FAM193A: variants seen among roughly 807,000 people sequenced by gnomAD.
The protein encoded by FAM193A is protein FAM193A.
In FAM193A, 22 loss-of-function variants were observed where a neutral mutation model predicts 126.5. That is an observed-to-expected ratio of 0.17 (90% CI 0.12 to 0.25). FAM193A has a LOEUF of 0.25. Among genes scored for constraint, FAM193A ranks in the 10% least tolerant of loss-of-function variants. FAM193A has a pLI of 1.00. For missense variants in FAM193A, 1,675 were observed against 1,672.8 expected, an observed-to-expected ratio of 1.00 and a Z score of -0.02; for synonymous variants, 761 against 646.8, an observed-to-expected ratio of 1.18 and a Z score of -2.68.
intron 2 of FAM193A, among the ~76,000 whole-genome samples, chr4:2,601,357 C>T (rs943346407): frequency 6.6e-6 from 1 of 151,176 alleles, no homozygotes; most frequent in African/African-American, 2.4e-5. Flanking sequence ...CTCAGCCTCC[C>T]GAGTAGCTGG....
intron 12 of FAM193A, among the ~76,000 whole-genome samples, chr4:2,664,994 A>G (rs762653156): frequency 1.3e-5 from 2 of 152,178 alleles, no homozygotes; most frequent in Non-Finnish European, 2.9e-5. Context: ...TTGAATATAT[A>G]TTTAGAATTC....
In FAM193A at chr4:2,646,713, A is replaced by C. The variant is rs781076887; in HGVS notation, c.1192A>C (p.Ser398Arg). 1.9e-6 allele frequency: 3 copies of C among 1,612,652 alleles called. No homozygotes were observed. Among genetic ancestry groups the C allele is most frequent in the African/African-American group, 1.3e-5 (1 of 74,950 alleles). ...RLGTTTHDTC[S>R]EDTYSTLLQR... Reference sequence around the variant, plus strand: ...AGGAACCACCACACACGACACCTGCAGTGAGGACACATACAGTACCTTGCT... The same window carrying C: ...AGGAACCACCACACACGACACCTGCCGTGAGGACACATACAGTACCTTGCT... Residue 398 changes from serine to arginine, a missense_variant, in exon 7 of 21, where the codon AGT becomes CGT. Transcript: ENST00000637812.
chr4:2,611,377 T>A (rs924982836), intron 2 of FAM193A, among the ~76,000 whole-genome samples: 1 of 152,156 alleles, frequency 6.6e-6, no homozygotes, highest in Non-Finnish European at 1.5e-5. Context: ...CAAGCAGTTC[T>A]CTTGTCTCAG....
At chr4:2,660,112 A>G in intron 10 of FAM193A, 58 bp downstream of exon 10, 1 of 1,555,078 alleles carries the variant, frequency 6.4e-7, no homozygotes, top group Admixed American at 1.7e-5. Context: ...GTAATGAGAA[A>G]TACATACAGT....
intron 2 of FAM193A, among the ~76,000 whole-genome samples, chr4:2,615,646 G>T (rs1347733272): frequency 6.6e-6 from 1 of 152,030 alleles, no homozygotes; most frequent in African/African-American, 2.4e-5. Flanking sequence ...AGTCTCCCAA[G>T]TAGCTGGGAC....
Position 2,590,496 on chromosome 4 carries a change from CAAAAAAAAACAAAAAA to C in FAM193A, c.256-5583_256-5568del, listed in dbSNP as rs1740495573. Among the ~76,000 whole-genome samples, 24 of 45,796 alleles carry C rather than the reference CAAAAAAAAACAAAAAA, an allele frequency of 5.2e-4. 2 individuals are homozygous for C. Among genetic ancestry groups the C allele is most frequent in the African/African-American group, 1.4e-3 (8 of 5,586 alleles). The allele number at this position is 45,796 out of a possible 152,430, so 30.0% of individuals were successfully genotyped here. ...AAAAACAAAAAAAAACAAAAAAAAA[CAAAAAAAAACAAAAAA>C]AAAACAAAACAAAATTAAAAAACAG... On this transcript the variant is annotated intron_variant, in intron 1 of 20. Transcript: ENST00000637812.
chr4:2,559,994 T>G (rs1738513686), intron 1 of FAM193A, among the ~76,000 whole-genome samples: 2 of 151,976 alleles, frequency 1.3e-5, no homozygotes, highest in Non-Finnish European at 2.9e-5. Context: ...GTTTCACTCT[T>G]GTTGCCCAGG....
rs17164077 is a variant in FAM193A at position 2,659,615 on chromosome 4, A to G, written c.1447A>G (p.Met483Val). The G allele has an allele frequency of 0.011, 18,268 of 1,614,076 alleles. 1,666 individuals are homozygous for G. The African/African-American group carries it at 0.21, about 19-fold the overall frequency. Residue 483 changes from methionine to valine, a missense_variant, in exon 9 of 21, where the codon ATG (methionine) becomes GTG (valine). By Grantham distance (21) the Met-to-Val change is conservative. Around this residue, in one of 4 missense-constraint regions of FAM193A, gnomAD observed 1,186 missense variants for 1,109.2 expected, o/e 1.07. Transcript: ENST00000637812. ...ENNFTDTMRH[M>V]LSSRLSMPDC... is the part of the protein sequence containing the mutation. Reference sequence around the variant, plus strand: ...CAACTTCACAGACACCATGAGGCACATGTTATCGTCCCGGCTGAGCATGCC... The same window carrying G: ...CAACTTCACAGACACCATGAGGCACGTGTTATCGTCCCGGCTGAGCATGCC...
At position 2,659,592 on chromosome 4, in the gene FAM193A, A is replaced by G. The variant is rs1560532596; in HGVS notation, c.1424A>G (p.Asn475Ser). Residue 475 changes from asparagine to serine, a missense_variant, in exon 9 of 21, where the codon AAC (asparagine) becomes AGC (serine). By Grantham distance (46) the Asn-to-Ser change is conservative (BLOSUM62 1). Coordinates refer to ENST00000637812, the MANE Select transcript of FAM193A (RefSeq NM_001366318.2). ...AAGAAAGCAGTTACTGGCGAGAACA[A>G]CTTCACAGACACCATGAGGCACATG... ...TNKKAVTGEN[N>S]FTDTMRHMLS... 1 of 1,614,138 alleles carries G rather than the reference A, an allele frequency of 6.2e-7. No homozygotes were observed.
intron 2 of FAM193A, among the ~76,000 whole-genome samples, chr4:2,622,256 C>CAA (rs1458719072): frequency 6.1e-5 from 3 of 49,420 alleles, no homozygotes; most frequent in African/African-American, 2.8e-4. Context: ...GACCCTGTCT[C>CAA]CAAAAAAAAA....
At chr4:2,536,267 G>A (rs545214278), upstream of FAM193A, among the ~76,000 whole-genome samples, 1 of 151,744 alleles carries the variant, frequency 6.6e-6, no homozygotes, top group Non-Finnish European at 1.5e-5. Flanking sequence ...CCTCCTGCCG[G>A]CCTAGCCCTA....
intron 19 of FAM193A, among the ~76,000 whole-genome samples, chr4:2,703,024 T>C (rs963967689): frequency 1.3e-5 from 2 of 152,184 alleles, no homozygotes; most frequent in Non-Finnish European, 2.9e-5. Flanking sequence ...CAGTTTCTTA[T>C]TTGCTTTTCT....
At chr4:2,564,410 A>C (rs1359280737) in intron 1 of FAM193A, among the ~76,000 whole-genome samples, 1 of 152,050 alleles carries the variant, frequency 6.6e-6, no homozygotes, top group African/African-American at 2.4e-5. Context: ...TGAAAGGTCT[A>C]GTGGAAAAGG....
chr4:2,718,520 T>G (rs937173836), intron 20 of FAM193A, among the ~76,000 whole-genome samples: 2 of 151,896 alleles, frequency 1.3e-5, no homozygotes, highest in African/African-American at 2.4e-5. Context: ...TGAGGTCAGT[T>G]CAAGACCAGC....
At chr4:2,672,644 T>C (rs1713953592) in intron 13 of FAM193A, among the ~76,000 whole-genome samples, 1 of 152,232 alleles carries the variant, frequency 6.6e-6, no homozygotes, top group South Asian at 2.1e-4. Context: ...AGGTGCTATT[T>C]CTAACAGGTT....
At chr4:2,648,873 A>G (rs553398880) in intron 7 of FAM193A, among the ~76,000 whole-genome samples, 2 of 152,314 alleles carry the variant, frequency 1.3e-5, no homozygotes, top group Non-Finnish European at 2.9e-5. Flanking sequence ...CAGGAGGGCC[A>G]GTAGTGTGTC....
rs983230355 is a variant in FAM193A at position 2,662,916 on chromosome 4, C to T, written c.1824C>T (p.Thr608=). 3.1e-6 allele frequency: 5 copies of T among 1,613,610 alleles called. No individual in the cohort carries two copies. Among genetic ancestry groups the T allele is most frequent in the East Asian group, 4.5e-5 (2 of 44,862 alleles). The change falls in exon 11 of 21, where the codon ACC becomes ACT. Residue 608 remains threonine (T), a synonymous_variant. Coordinates refer to ENST00000637812, the MANE Select transcript of FAM193A (RefSeq NM_001366318.2). ...DIYPLSNYDD[T]EVVANMNGIH... is the part of the protein sequence containing the mutation. ...ATCCATTGAGTAATTATGATGATAC[C>T]GAGGTGGTGGCCAACATGAATGGAA...
At chr4:2,669,734 A>G (rs998632881) in intron 12 of FAM193A, among the ~76,000 whole-genome samples, 8 of 152,218 alleles carry the variant, frequency 5.3e-5, no homozygotes, top group Admixed American at 6.5e-5. Context: ...CCTTCCCACT[A>G]TCAAATTCCA....
chr4:2,712,442 C>G (rs684553), intron 19 of FAM193A, among the ~76,000 whole-genome samples: 38,183 of 152,064 alleles, frequency 0.25, 5,240 homozygotes, highest in Middle Eastern at 0.37. Context: ...AAGCGGCCAC[C>G]TTCTGGTCGT....
Sources: gnomAD v4.1 joint callset for allele counts (sites outside exome capture counted in the v4.1 genomes callset) on GRCh38, gnomAD v4.1.1 for gene constraint, gnomAD v4.1.1 regional missense constraint, MANE v1.5 for transcripts, NCBI Gene and HGNC (gene_info 2026-07-23, HGNC 2026-07-21) for gene names.